Variants in PSD3 observed in about 807,000 individuals in gnomAD.
PSD3 encodes the protein PH and SEC7 domain-containing protein 3.
Under a neutral mutation model 105.5 loss-of-function variants are expected in PSD3, and 49 were observed. That is an observed-to-expected ratio of 0.46 (90% CI 0.37 to 0.59). PSD3 has a LOEUF of 0.59. Ranked by LOEUF, PSD3 falls within the 20% of genes least tolerant of loss-of-function variation. The probability of loss-of-function intolerance (pLI) is 0.00; values close to 1 mark genes in which losing one functional copy is unlikely to be tolerated. For synonymous variants in PSD3, 557 were observed against 457.8 expected (o/e 1.22, Z -2.77); for missense variants, 1,561 against 1,263.8 (o/e 1.24, Z -3.57).
intron 1 of PSD3, among the ~76,000 whole-genome samples, chr8:19,025,509 G>A (rs1447786279): frequency 6.6e-6 from 1 of 152,134 alleles, no homozygotes; most frequent in African/African-American, 2.4e-5. Flanking sequence ...TGAATTTCTT[G>A]ATGGTGAATT....
chr8:18,678,395 C>A lies in PSD3; in HGVS notation c.2173-22710G>T, dbSNP rs375692497. ...AATGGAAACTAGAAAATATACCAAT[C>A]AGAAACCATCAACTTCTTTTAAAAA... is the stretch of plus-strand genomic sequence containing the variant. On this transcript the variant is annotated intron_variant, in intron 9 of 15. Transcript: ENST00000327040. Among the ~76,000 whole-genome samples, 239 of 152,354 alleles carry A rather than the reference C, an allele frequency of 1.6e-3. 1 individual carries two copies. The highest frequency in any genetic ancestry group is 5.2e-3 in the African/African-American group (216 of 41,580).
intron 10 of PSD3, among the ~76,000 whole-genome samples, chr8:18,636,093 C>T (rs59998258): frequency 6.6e-6 from 1 of 152,072 alleles, no homozygotes; most frequent in African/African-American, 2.4e-5. Flanking sequence ...TAGGAGATGA[C>T]AGCTTCATGC....
chr8:18,564,428 A>C (rs1439123982), intron 14 of PSD3, among the ~76,000 whole-genome samples: 1 of 152,136 alleles, frequency 6.6e-6, no homozygotes, highest in Non-Finnish European at 1.5e-5. Context: ...CAGGAGGTCA[A>C]GACCAGCCTG....
intron 4 of PSD3, among the ~76,000 whole-genome samples, chr8:18,851,028 C>T (rs1306851789): frequency 1.3e-5 from 2 of 152,202 alleles, no homozygotes; most frequent in Non-Finnish European, 2.9e-5. Context: ...GAACACCAGA[C>T]AGCTACAACT....
Position 18,632,596 on chromosome 8 carries a change from C to A in PSD3, c.2410+17G>T. On this transcript the variant is annotated intron_variant, in intron 11 of 15. Coordinates refer to ENST00000327040, the MANE Select transcript of PSD3 (RefSeq NM_015310.4). ...ATAAAATAAATGAAATAGAAAATGA[C>A]AACGCATGATACTTACTCTTCTTTC... 6.3e-7 allele frequency: 1 copy of A among 1,585,658 alleles called. No individual in the cohort carries two copies. Among genetic ancestry groups the A allele is most frequent in the South Asian group, 1.2e-5 (1 of 85,396 alleles).
chr8:18,828,691 T>A (rs928023121), intron 4 of PSD3, among the ~76,000 whole-genome samples: 1 of 152,130 alleles, frequency 6.6e-6, no homozygotes, highest in East Asian at 1.9e-4. Context: ...CTGGGCGAGG[T>A]GGCTCATGCC....
intron 1 of PSD3, among the ~76,000 whole-genome samples, chr8:18,969,311 T>C (rs2129471862): frequency 6.6e-6 from 1 of 152,362 alleles, no homozygotes; most frequent in East Asian, 1.9e-4. Context: ...ATTGTCTTAA[T>C]TCAAACCTGA....
intron 9 of PSD3, among the ~76,000 whole-genome samples, chr8:18,702,738 G>A (rs1417304507): frequency 2.0e-5 from 3 of 151,476 alleles, no homozygotes; most frequent in Admixed American, 6.6e-5. Flanking sequence ...TCAGCCTCCC[G>A]AGTAGCTGGG....
intron 1 of PSD3, among the ~76,000 whole-genome samples, chr8:18,988,509 C>T (rs138654418): frequency 1.3e-5 from 2 of 152,312 alleles, no homozygotes; most frequent in African/African-American, 4.8e-5. Flanking sequence ...TCTACCACAG[C>T]ACTTAGGAAA....
chr8:18,588,552 A>G (rs141061931), intron 12 of PSD3, among the ~76,000 whole-genome samples: 71 of 152,286 alleles, frequency 4.7e-4, no homozygotes, highest in African/African-American at 1.6e-3. Flanking sequence ...ATAACCCATG[A>G]TTCTACTATT....
rs932308396 is a variant in PSD3 at position 18,574,500 on chromosome 8, G to C, written c.2639+628C>G. Among the ~76,000 whole-genome samples, 3 of 152,050 alleles carry C rather than the reference G, an allele frequency of 2.0e-5. 1 individual carries two copies. The highest frequency in any genetic ancestry group is 1.3e-4 in the Admixed American group (2 of 15,254). On this transcript the variant is annotated intron_variant, in intron 13 of 15. Transcript: ENST00000327040. Reference sequence around the variant, plus strand: ...TACACTCAAAAACCCCGGGCAACTTGTTTCCTTATAACCTCCCCCTAAAAC... The same window carrying C: ...TACACTCAAAAACCCCGGGCAACTTCTTTCCTTATAACCTCCCCCTAAAAC...
chr8:18,744,991 A>G (rs921008609), intron 9 of PSD3, among the ~76,000 whole-genome samples: 21 of 152,330 alleles, frequency 1.4e-4, no homozygotes, highest in African/African-American at 4.3e-4. Context: ...CATGTTTACA[A>G]TGAAGTTAGG....
At chr8:18,709,680 G>A (rs944443641) in intron 9 of PSD3, among the ~76,000 whole-genome samples, 1 of 152,192 alleles carries the variant, frequency 6.6e-6, no homozygotes. Context: ...CTCCCCTGGT[G>A]ATACCTCCAG....
At chr8:19,008,939 T>A (rs189692943) in intron 1 of PSD3, among the ~76,000 whole-genome samples, 1 of 152,350 alleles carries the variant, frequency 6.6e-6, no homozygotes, top group East Asian at 1.9e-4. Flanking sequence ...GCCTTCACTG[T>A]GTCAACACCC....
At position 18,972,531 on chromosome 8, in the gene PSD3, G is replaced by A. The variant is rs574882931; in HGVS notation, c.22-36389C>T. On this transcript the variant is annotated intron_variant, in intron 1 of 15. Transcript: ENST00000327040. Reference sequence around the variant, plus strand: ...CCACCAATGGAGGCAGCCACTGCTAGGAAGAGAGCAATGTGCTGAATGTGT... The same window carrying A: ...CCACCAATGGAGGCAGCCACTGCTAAGAAGAGAGCAATGTGCTGAATGTGT... Among the ~76,000 whole-genome samples the A allele has an allele frequency of 3.9e-5, 6 of 152,318 alleles. No homozygotes were observed. The East Asian group carries it at 9.6e-4, about 24-fold the overall frequency.
chr8:18,589,754 C>T (rs13259983), intron 12 of PSD3, among the ~76,000 whole-genome samples: 15,794 of 152,044 alleles, frequency 0.1, 1,010 homozygotes, highest in South Asian at 0.17. Flanking sequence ...GGCGAGGAGG[C>T]GAGGGCTTCT....
At chr8:18,818,280 ATTG>A (rs1260785577) in intron 4 of PSD3, among the ~76,000 whole-genome samples, 9 of 151,996 alleles carry the variant, frequency 5.9e-5, no homozygotes, top group African/African-American at 1.9e-4. Flanking sequence ...AAAGACAACT[ATTG>A]TTGTCAGTTT....
chr8:18,932,988 T>C (rs538749590), intron 2 of PSD3, among the ~76,000 whole-genome samples: 4 of 152,390 alleles, frequency 2.6e-5, no homozygotes, highest in Admixed American at 6.5e-5. Flanking sequence ...TGGAGACATA[T>C]TGTTTCTTCT....
chr8:18,688,046 G>A (rs1248676320), intron 9 of PSD3, among the ~76,000 whole-genome samples: 1 of 152,130 alleles, frequency 6.6e-6, no homozygotes, highest in African/African-American at 2.4e-5. Flanking sequence ...TGGGATTACA[G>A]ATGTGAGCCA....
Sources: allele counts gnomAD v4.1 joint callset (sites outside exome capture counted in the v4.1 genomes callset), GRCh38; gene constraint gnomAD v4.1.1; transcripts MANE v1.5; gene names NCBI Gene and HGNC (gene_info 2026-07-23, HGNC 2026-07-21).